RAD9B: variants seen among roughly 807,000 people sequenced by gnomAD.
RAD9B encodes the protein RAD9 checkpoint clamp component B, also known as cell cycle checkpoint control protein RAD9B.
RAD9B carries 41 observed loss-of-function variants against 48.3 expected under a neutral mutation model. That is an observed-to-expected ratio of 0.85 (90% CI 0.66 to 1.10). The LOEUF (loss-of-function observed/expected upper bound fraction) is 1.10, where lower values mean the gene tolerates loss of function less well. Among genes scored for constraint, RAD9B ranks in the 50% least tolerant of loss-of-function variants. RAD9B has a pLI of 0.00. For synonymous variants in RAD9B, 160 were observed against 157.9 expected (o/e 1.01, Z -0.10); for missense variants, 444 against 485.1 (o/e 0.92, Z 0.80).
chr12:110,532,374 C>T lies in RAD9B; in HGVS notation c.*1721C>T, dbSNP rs1275254858. On this transcript the variant is annotated 3_prime_UTR_variant, in exon 11 of 11. Coordinates refer to ENST00000409300, the MANE Select transcript of RAD9B (RefSeq NM_001286535.2). ...GGGGTTTAGGTCTTAAAGGCATCAT[C>T]ATCAGTAATAGCCTGGATGCAGCAT... 6.6e-6 allele frequency among the ~76,000 whole-genome samples: 1 copy of T among 152,204 alleles called. No individual in the cohort carries two copies. Among genetic ancestry groups the T allele is most frequent in the East Asian group, 1.9e-4 (1 of 5,206 alleles).
intron 4 of RAD9B, among the ~76,000 whole-genome samples, chr12:110,509,194 T>C (rs2135669741): frequency 6.6e-6 from 1 of 152,022 alleles, no homozygotes; most frequent in African/African-American, 2.4e-5. Flanking sequence ...GATCTCGATC[T>C]CCTGACCTCG....
chr12:110,521,111 G>A (rs1447078008), intron 9 of RAD9B, among the ~76,000 whole-genome samples: 2 of 152,012 alleles, frequency 1.3e-5, no homozygotes, highest in African/African-American at 4.8e-5. Context: ...CTGGCTCACT[G>A]CATTTTCTTT....
At chr12:110,520,335 G>T (rs1428830783) in intron 9 of RAD9B, among the ~76,000 whole-genome samples, 1 of 151,892 alleles carries the variant, frequency 6.6e-6, no homozygotes, top group Admixed American at 6.6e-5. Flanking sequence ...AGCCTCCCAA[G>T]TAGCTGGGAC....
chr12:110,519,993 C>T (rs1449291712), intron 9 of RAD9B, 77 bp downstream of exon 9: 11 of 1,478,086 alleles, frequency 7.4e-6, no homozygotes, highest in Non-Finnish European at 1.0e-5. Flanking sequence ...CACTTGCATT[C>T]ACTTAGGAAA....
chr12:110,503,605 C>T (rs565963110), intron 1 of RAD9B, among the ~76,000 whole-genome samples: 1 of 152,340 alleles, frequency 6.6e-6, no homozygotes, highest in South Asian at 2.1e-4. Flanking sequence ...ATTTCACACA[C>T]TACAAATTTA....
rs200161226 is a variant in RAD9B, at chr12:110,512,830, T to C, written c.440T>C (p.Val147Ala). ...ICFQESQPLQ[V>A]IFDKNVCTNT... ...TTTCAAGAAAGTCAGCCTTTGCAAG[T>C]TATTTTTGACAAGAATGTTTGTACT... The change falls in exon 5 of 11, where the codon GTT (valine) becomes GCT (alanine). Residue 147 changes from valine (V) to alanine (A), a missense_variant. Physicochemically the swap from Val to Ala is moderately conservative, Grantham distance 64. Transcript: ENST00000409300. 23 of 1,543,338 alleles carry C rather than the reference T, an allele frequency of 1.5e-5. No homozygotes were observed. The East Asian group carries it at 5.3e-4, about 35-fold the overall frequency.
chr12:110,507,373 A>T (rs1235103830), intron 4 of RAD9B, among the ~76,000 whole-genome samples: 1 of 143,270 alleles, frequency 7.0e-6, no homozygotes, highest in African/African-American at 2.5e-5. Context: ...TATTATATAT[A>T]ATATATGTAT....
chr12:110,530,156 C>A (rs1172097051), intron 10 of RAD9B, among the ~76,000 whole-genome samples: 2 of 152,158 alleles, frequency 1.3e-5, no homozygotes, highest in Admixed American at 6.5e-5. Context: ...CATTCTCCTG[C>A]CTCAGCCTCC....
At chr12:110,518,619 C>T in intron 6 of RAD9B, 57 bp from the exon 7 acceptor site, 2 of 1,302,936 alleles carry the variant, frequency 1.5e-6, no homozygotes, top group African/African-American at 1.5e-5. Context: ...TTCTTTTTTC[C>T]TCTAAATTCA....
intron 9 of RAD9B, among the ~76,000 whole-genome samples, chr12:110,521,555 CT>C (rs577675171): frequency 0.12 from 15,098 of 126,470 alleles, 675 homozygotes; most frequent in African/African-American, 0.22. Context: ...AAACATAATT[CT>C]TTTTTTTTTT....
intron 6 of RAD9B, among the ~76,000 whole-genome samples, chr12:110,516,916 T>G (rs1354222692): frequency 3.3e-5 from 5 of 152,118 alleles, no homozygotes; most frequent in Admixed American, 6.6e-5. Flanking sequence ...CAAAAAAAAT[T>G]TTTTAAGTCA....
chr12:110,502,472 T>G, intron 1 of RAD9B, 89 bp downstream of exon 1: 1 of 1,488,958 alleles, frequency 6.7e-7, no homozygotes, highest in Non-Finnish European at 9.2e-7. Context: ...TTTTCCTCTT[T>G]GCCTTTTTGC....
In RAD9B at chr12:110,531,742, A is replaced by C; in HGVS notation, c.*1089A>C. ...AAGAGTTAGCTTTTTACCTGCACAA[A>C]TGGACTAAAAAATCTGGCACAAAAC... On this transcript the variant is annotated 3_prime_UTR_variant, in exon 11 of 11. Coordinates refer to ENST00000409300, the MANE Select transcript of RAD9B (RefSeq NM_001286535.2). 1 of 979,238 alleles carries C rather than the reference A, an allele frequency of 1.0e-6. No individual in the cohort carries two copies. Among genetic ancestry groups the C allele is most frequent in the Admixed American group, 2.5e-5 (1 of 39,314 alleles). The allele number at this position is 979,238 out of a possible 1,614,324, so 60.7% of individuals were successfully genotyped here.
chr12:110,529,935 C>G (rs1350505734), intron 10 of RAD9B, among the ~76,000 whole-genome samples: 1 of 152,150 alleles, frequency 6.6e-6, no homozygotes, highest in East Asian at 1.9e-4. Context: ...TGACCTCTGC[C>G]TCTCAGTTCT....
intron 9 of RAD9B, among the ~76,000 whole-genome samples, chr12:110,521,784 C>T (rs999840422): frequency 6.6e-6 from 1 of 152,024 alleles, no homozygotes; most frequent in African/African-American, 2.4e-5. Context: ...TCTTGGACTC[C>T]TGACCTCGTG....
intron 10 of RAD9B, among the ~76,000 whole-genome samples, chr12:110,530,248 T>C (rs2064091997): frequency 6.6e-6 from 1 of 152,240 alleles, no homozygotes; most frequent in Admixed American, 6.5e-5. Context: ...GGTTTCACCA[T>C]GTTAGTCAGG....
chr12:110,519,090 C>T (rs138474258), intron 8 of RAD9B, among the ~76,000 whole-genome samples, 152 bp downstream of exon 8: 111 of 152,232 alleles, frequency 7.3e-4, no homozygotes, highest in Admixed American at 1.6e-3. Flanking sequence ...GATGCTAAAA[C>T]ATGGCATTTA....
chr12:110,529,434 C>T (rs753305061), intron 10 of RAD9B, among the ~76,000 whole-genome samples: 2 of 152,138 alleles, frequency 1.3e-5, no homozygotes, highest in African/African-American at 2.4e-5. Context: ...CGTGGGCCAC[C>T]GTGCCTGGCT....
At chr12:110,522,920 A>G (rs1158074915) in intron 10 of RAD9B, among the ~76,000 whole-genome samples, 1 of 152,232 alleles carries the variant, frequency 6.6e-6, no homozygotes, top group East Asian at 1.9e-4. Flanking sequence ...GATAGATGAT[A>G]AGCTTTACAG....
Sources: allele counts gnomAD v4.1 joint callset (sites outside exome capture counted in the v4.1 genomes callset), GRCh38; gene constraint gnomAD v4.1.1; transcripts MANE v1.5; gene names NCBI Gene and HGNC (gene_info 2026-07-23, HGNC 2026-07-21).